The following CTBP1 variants were observed in gnomAD, a reference collection of about 807,000 sequenced individuals.
CTBP1 encodes C-terminal-binding protein 1.
In CTBP1, 11 loss-of-function variants were observed where a neutral mutation model predicts 42.1. The ratio of observed to expected loss-of-function variants is 0.26; its 90% CI spans 0.16 to 0.43. The LOEUF is 0.43. CTBP1 is among the 20% of genes least tolerant of loss of function. The pLI is 1.00. For missense variants in CTBP1, 399 were observed against 624.3 expected (o/e 0.64, Z 3.85); for synonymous variants, 324 against 277.1 (o/e 1.17, Z -1.68).
intron 1 of CTBP1, chr4:1,241,846 A>T: frequency 8.7e-7 from 1 of 1,152,492 alleles, no homozygotes; most frequent in Non-Finnish European, 1.1e-6. Flanking sequence ...AGTGTCCAAG[A>T]ACCAGGGGAC....
intron 5 of CTBP1, among the ~76,000 whole-genome samples, chr4:1,222,408 A>G (rs1168745831): frequency 6.6e-6 from 1 of 152,058 alleles, no homozygotes; most frequent in East Asian, 1.9e-4. Context: ...CCACAGACAG[A>G]GGGGCCCGCG....
chr4:1,223,715 C>T (rs1730001391), intron 5 of CTBP1, among the ~76,000 whole-genome samples: 5 of 152,172 alleles, frequency 3.3e-5, no homozygotes, highest in Admixed American at 3.3e-4. Flanking sequence ...ACACCTGGGC[C>T]CCGCCCAGAT....
intron 1 of CTBP1, chr4:1,244,136 G>C: frequency 1.0e-6 from 1 of 985,334 alleles, no homozygotes; most frequent in Non-Finnish European, 1.2e-6. Context: ...GAGCCTCCTG[G>C]CCACATGTCA....
At chr4:1,243,064 A>G (rs1482885580) in intron 1 of CTBP1, 9 of 985,246 alleles carry the variant, frequency 9.1e-6, no homozygotes, top group Non-Finnish European at 1.1e-5. Context: ...GCTGATACTC[A>G]TTGATACCAG....
intron 7 of CTBP1, chr4:1,214,054 G>C: frequency 2.2e-6 from 1 of 463,532 alleles, no homozygotes; most frequent in Non-Finnish European, 3.8e-6. Context: ...AGGGCCCATG[G>C]GGACCACTCA....
At chr4:1,216,786 C>T (rs975360274) in intron 5 of CTBP1, 18 of 163,170 alleles carry the variant, frequency 1.1e-4, no homozygotes, top group Admixed American at 3.4e-4. Flanking sequence ...AAGGCTGGCA[C>T]GGGTCCCAGC....
intron 3 of CTBP1, chr4:1,237,936 A>G (rs1731735815): frequency 2.8e-6 from 2 of 702,852 alleles, no homozygotes; most frequent in Non-Finnish European, 5.2e-6. Context: ...CCACCTCCTG[A>G]TGGGGCACAG....
chr4:1,232,696 T>A (rs538950990), intron 3 of CTBP1, among the ~76,000 whole-genome samples: 1 of 152,252 alleles, frequency 6.6e-6, no homozygotes, highest in African/African-American at 2.4e-5. Context: ...AAACATTGTA[T>A]GTTCTGTATT....
chr4:1,223,385 T>C (rs1346649123), intron 5 of CTBP1: 1 of 451,636 alleles, frequency 2.2e-6, no homozygotes, highest in Admixed American at 2.4e-5. Flanking sequence ...CAGGCACGTG[T>C]TCCATGCACA....
intron 3 of CTBP1, among the ~76,000 whole-genome samples, chr4:1,234,013 T>C (rs1731229304): frequency 6.6e-6 from 1 of 152,190 alleles, no homozygotes; most frequent in South Asian, 2.1e-4. Context: ...CCAAGGTGGC[T>C]ACCCCGGGTT....
intron 3 of CTBP1, among the ~76,000 whole-genome samples, chr4:1,232,440 T>C (rs1731055713): frequency 6.6e-6 from 1 of 151,978 alleles, no homozygotes; most frequent in Admixed American, 6.6e-5. Flanking sequence ...GCCTCCTGAG[T>C]ATCTTGGACT....
At chr4:1,228,372 C>T in intron 3 of CTBP1, 29 bp from the exon 4 acceptor site, 5 of 1,604,622 alleles carry the variant, frequency 3.1e-6, no homozygotes, top group Non-Finnish European at 4.3e-6. Context: ...CAGGCTCAGC[C>T]CGGAACCTGA....
At chr4:1,216,671 T>C (rs1031285698) in intron 5 of CTBP1, 6 of 212,846 alleles carry the variant, frequency 2.8e-5, no homozygotes, top group Non-Finnish European at 5.8e-5. Flanking sequence ...GGAGGGAAAC[T>C]TCCAGACCAG....
At chr4:1,223,564 G>A (rs2108743098) in intron 5 of CTBP1, 2 of 450,546 alleles carry the variant, frequency 4.4e-6, no homozygotes, top group Admixed American at 2.4e-5. Flanking sequence ...TCCCTGGCAT[G>A]GCAAGGCCCT....
chr4:1,232,947 G>A (rs1731115705), intron 3 of CTBP1: 1 of 152,396 alleles, frequency 6.6e-6, no homozygotes, highest in African/African-American at 2.4e-5. Flanking sequence ...CTGATCCTCT[G>A]TCCTGTCTAC....
At chr4:1,248,874 G>T (rs1733062273) in intron 1 of CTBP1, 42 bp downstream of exon 1, 3 of 333,264 alleles carry the variant, frequency 9.0e-6, no homozygotes, top group Non-Finnish European at 1.2e-5. Flanking sequence ...GCCCCGCCCC[G>T]CCCCCGCCCG....
At chr4:1,218,990 A>C (rs914727803) in intron 5 of CTBP1, among the ~76,000 whole-genome samples, 1 of 152,218 alleles carries the variant, frequency 6.6e-6, no homozygotes. Flanking sequence ...GACTGAAAAA[A>C]GAAAGAGGAA....
At chr4:1,241,588 G>A (rs1418210915) in intron 1 of CTBP1, 69 bp from the exon 2 acceptor site, 4 of 1,488,922 alleles carry the variant, frequency 2.7e-6, no homozygotes, top group South Asian at 1.2e-5. Flanking sequence ...CAGACTCCAG[G>A]GAACGCCTCA....
chr4:1,229,695 C>T (rs1226505540), intron 3 of CTBP1, among the ~76,000 whole-genome samples: 1 of 152,220 alleles, frequency 6.6e-6, no homozygotes, highest in African/African-American at 2.4e-5. Flanking sequence ...TGGTGTTGGG[C>T]AGGCATACGT....
Sources: allele counts gnomAD v4.1 joint callset (sites outside exome capture counted in the v4.1 genomes callset), GRCh38; gene constraint gnomAD v4.1.1; transcripts MANE v1.5; gene names NCBI Gene and HGNC (gene_info 2026-07-23, HGNC 2026-07-21).